THADA: variants seen among roughly 807,000 people sequenced by gnomAD.
THADA encodes tRNA (32-2'-O)-methyltransferase regulator THADA.
THADA carries 213 observed loss-of-function variants against 219.8 expected under a neutral mutation model. The observed-to-expected ratio is 0.97, with a 90% confidence interval of 0.87 to 1.09. The LOEUF is 1.09. Among genes scored for constraint, THADA ranks in the 50% least tolerant of loss-of-function variants. THADA has a pLI of 0.00. For missense variants in THADA, 2,956 were observed against 2,311.3 expected (o/e 1.28, Z -5.72); for synonymous variants, 1,018 against 828.9 (o/e 1.23, Z -3.92).
chr2:43,294,040 T>C (rs1675063874), intron 31 of THADA, among the ~76,000 whole-genome samples: 1 of 152,242 alleles, frequency 6.6e-6, no homozygotes, highest in Non-Finnish European at 1.5e-5. Context: ...GGTCTACTGA[T>C]GGTGGTGAGT....
chr2:43,373,103 T>C (rs1368446354), intron 29 of THADA, among the ~76,000 whole-genome samples: 1 of 152,198 alleles, frequency 6.6e-6, no homozygotes, highest in East Asian at 1.9e-4. Context: ...ACTATCACCA[T>C]CACACCCTTT....
chr2:43,237,026 C>T (rs952170338), intron 36 of THADA, among the ~76,000 whole-genome samples: 13 of 144,444 alleles, frequency 9.0e-5, no homozygotes, highest in Admixed American at 7.1e-5. Context: ...GAGCCGAGAT[C>T]GCGCCACTGC....
intron 26 of THADA, among the ~76,000 whole-genome samples, chr2:43,459,947 A>C (rs574623318): frequency 6.6e-6 from 1 of 152,326 alleles, no homozygotes; most frequent in Non-Finnish European, 1.5e-5. Flanking sequence ...CAAAAGCCAC[A>C]TCTTGGCAAA....
intron 36 of THADA, among the ~76,000 whole-genome samples, chr2:43,240,582 G>T (rs1446948806): frequency 6.6e-6 from 1 of 152,150 alleles, no homozygotes; most frequent in African/African-American, 2.4e-5. Flanking sequence ...CAGAGCCCAG[G>T]CTCAGAGCTG....
Position 43,344,230 on chromosome 2 carries a change from T to C in THADA, c.4235A>G (p.His1412Arg), listed in dbSNP as rs761472063. 123 of 1,601,130 alleles carry C rather than the reference T, an allele frequency of 7.7e-5. No homozygotes were observed. The highest frequency in any genetic ancestry group is 1.0e-4 in the Non-Finnish European group (120 of 1,174,768). The change falls in exon 30 of 38, where the codon CAT (histidine) becomes CGT (arginine). Residue 1412 changes from histidine (H) to arginine (R), a missense_variant. Coordinates refer to ENST00000405975, the MANE Select transcript of THADA (RefSeq NM_022065.5). ...GGAGTCTGAGTAGGCTTGCAACAAA[T>C]GAAAAACCTAAACCAAAAAAGAAAA... Reference protein sequence around the residue: ...HIHGTLLQVFHLLQAYSDSKH... With the variant: ...HIHGTLLQVFRLLQAYSDSKH...
rs1339328967 is a variant in THADA at position 43,292,955 on chromosome 2, T to C, written c.4697A>G (p.Glu1566Gly). Reference protein sequence around the residue: ...VRSLTLEALLEKFLAAASGLG... With the variant: ...VRSLTLEALLGKFLAAASGLG... ...TCCAGAGGCTGCTGCTAAGAACTTT[T>C]CCAAGAGGGCTTCCAGTGTTAGTGA... The change falls in exon 32 of 38, where the codon GAA becomes GGA. Residue 1566 changes from glutamate to glycine, a missense_variant. By Grantham distance (98) the Glu-to-Gly change is moderately conservative. Transcript: ENST00000405975. The C allele has an allele frequency of 6.2e-7, 1 of 1,614,022 alleles. No individual in the cohort carries two copies. The highest frequency in any genetic ancestry group is 2.2e-5 in the East Asian group (1 of 44,886).
intron 23 of THADA, among the ~76,000 whole-genome samples, chr2:43,507,902 C>G (rs887983586): frequency 6.6e-6 from 1 of 152,162 alleles, no homozygotes; most frequent in South Asian, 2.1e-4. Flanking sequence ...ATGAAGCAAT[C>G]TTTAAGGTAT....
chr2:43,568,442 C>T (rs1245876425), intron 14 of THADA, among the ~76,000 whole-genome samples: 1 of 152,108 alleles, frequency 6.6e-6, no homozygotes, highest in East Asian at 1.9e-4. Context: ...AGGTCACAAC[C>T]TCTAAAAGCC....
chr2:43,458,357 C>T (rs142884138), intron 26 of THADA, among the ~76,000 whole-genome samples: 1 of 152,236 alleles, frequency 6.6e-6, no homozygotes, highest in East Asian at 1.9e-4. Flanking sequence ...GAGTCCAATG[C>T]CACCTGAATG....
At chr2:43,548,164 T>C (rs1574200617) in intron 20 of THADA, among the ~76,000 whole-genome samples, 1 of 152,150 alleles carries the variant, frequency 6.6e-6, no homozygotes, top group Admixed American at 6.5e-5. Flanking sequence ...CCAGCAGCGG[T>C]GGCTGCAGAA....
At chr2:43,556,124 AT>A in intron 17 of THADA, 1 of 1,008,066 alleles carries the variant, frequency 9.9e-7, no homozygotes, top group Non-Finnish European at 1.3e-6. Context: ...ATTAATAAAT[AT>A]TTGTATATGT....
At chr2:43,285,372 T>C (rs1030353417) in intron 35 of THADA, among the ~76,000 whole-genome samples, 2 of 152,250 alleles carry the variant, frequency 1.3e-5, no homozygotes, top group Admixed American at 1.3e-4. Context: ...TGAGATCTGA[T>C]GGTTTTAAAG....
At position 43,362,536 on chromosome 2, in the gene THADA, T is replaced by G. The variant is rs192144656; in HGVS notation, c.4228-18299A>C. 3.3e-3 allele frequency among the ~76,000 whole-genome samples: 509 copies of G among 152,298 alleles called. 3 individuals carry two copies. The highest frequency in any genetic ancestry group is 0.012 in the African/African-American group (499 of 41,556). On this transcript the variant is annotated intron_variant, in intron 29 of 37. Transcript: ENST00000405975. The stretch of plus-strand genomic sequence containing the variant: ...AAGGATTTTAAACGGTGCACCTGTA[T>G]AGAGCACTCATCATGAGTGGAGCTT...
intron 26 of THADA, among the ~76,000 whole-genome samples, chr2:43,463,938 C>A (rs569516771): frequency 6.6e-6 from 1 of 152,260 alleles, no homozygotes; most frequent in East Asian, 1.9e-4. Flanking sequence ...TAAGAATAAA[C>A]TGATCTCTAT....
intron 36 of THADA, among the ~76,000 whole-genome samples, chr2:43,247,754 A>AAAAAG (rs1558462951): frequency 7.7e-6 from 1 of 130,698 alleles, no homozygotes; most frequent in African/African-American, 2.9e-5. Flanking sequence ...AAAAAAAAAA[A>AAAAAG]GGGGGGTGCT....
chr2:43,487,885 G>T (rs1461936112), intron 25 of THADA, among the ~76,000 whole-genome samples: 2 of 152,014 alleles, frequency 1.3e-5, no homozygotes, highest in African/African-American at 4.8e-5. Flanking sequence ...CAGCCCGAAG[G>T]GACTAAGATA....
At chr2:43,242,604 T>G (rs952015481) in intron 36 of THADA, among the ~76,000 whole-genome samples, 3 of 152,172 alleles carry the variant, frequency 2.0e-5, no homozygotes, top group Non-Finnish European at 4.4e-5. Context: ...CATCTTCCCA[T>G]CTTAGCCTCC....
At chr2:43,350,185 A>G (rs1296601328) in intron 29 of THADA, among the ~76,000 whole-genome samples, 1 of 152,188 alleles carries the variant, frequency 6.6e-6, no homozygotes, top group African/African-American at 2.4e-5. Flanking sequence ...TAATTCATAC[A>G]AACAGAACTG....
intron 26 of THADA, among the ~76,000 whole-genome samples, chr2:43,433,694 T>C (rs1270724924): frequency 1.3e-5 from 2 of 152,108 alleles, no homozygotes; most frequent in African/African-American, 4.8e-5. Flanking sequence ...TCATTTTATT[T>C]ATTTATTTTT....
Sources: allele counts gnomAD v4.1 joint callset (sites outside exome capture counted in the v4.1 genomes callset), GRCh38; gene constraint gnomAD v4.1.1; transcripts MANE v1.5; gene names NCBI Gene and HGNC (gene_info 2026-07-23, HGNC 2026-07-21).